Variants in IL1RAPL2 observed in about 807,000 individuals in gnomAD.
The protein encoded by IL1RAPL2 is X-linked interleukin-1 receptor accessory protein-like 2.
A neutral mutation model predicts 44.1 loss-of-function variants in IL1RAPL2; 3 were observed. That is an observed-to-expected ratio of 0.07 (90% CI 0.03 to 0.18). The LOEUF is 0.18. Among genes scored for constraint, IL1RAPL2 ranks in the 10% least tolerant of loss-of-function variants. The pLI is 1.00. For missense variants in IL1RAPL2, 391 were observed against 496.4 expected (o/e 0.79, Z 2.02); for synonymous variants, 181 against 178.8 (o/e 1.01, Z -0.10).
intron 5 of IL1RAPL2, among the ~76,000 whole-genome samples, chrX:105,466,450 G>A (rs912053252): frequency 9.0e-6 from 1 of 111,191 alleles, no homozygotes; most frequent in Non-Finnish European, 1.9e-5. Flanking sequence ...TGCTCTGATT[G>A]GTTATAGAAT....
intron 2 of IL1RAPL2, among the ~76,000 whole-genome samples, chrX:104,998,931 G>T (rs754657079): frequency 9.0e-6 from 1 of 111,684 alleles, no homozygotes; most frequent in African/African-American, 3.2e-5. Flanking sequence ...CTCCCAAGTA[G>T]CTGGGACTAT....
intron 2 of IL1RAPL2, among the ~76,000 whole-genome samples, chrX:104,755,144 A>G (rs775021509): frequency 1.8e-5 from 2 of 111,662 alleles, no homozygotes; most frequent in African/African-American, 6.5e-5. Flanking sequence ...ATGATCAACA[A>G]TATCATACTC....
chrX:105,462,058 G>A (rs1051142361), intron 5 of IL1RAPL2, among the ~76,000 whole-genome samples: 23 of 110,839 alleles, frequency 2.1e-4, no homozygotes, highest in African/African-American at 7.2e-4. Context: ...CTTCCTCCCT[G>A]CTATCCCCTG....
chrX:104,895,291 A>T (rs1415125334), intron 2 of IL1RAPL2, among the ~76,000 whole-genome samples: 1 of 112,092 alleles, frequency 8.9e-6, no homozygotes, highest in African/African-American at 3.2e-5. Flanking sequence ...GTGCTGGGAG[A>T]ACCACTACTC....
intron 5 of IL1RAPL2, among the ~76,000 whole-genome samples, chrX:105,386,093 C>A (rs1365218644): frequency 9.0e-6 from 1 of 111,360 alleles, no homozygotes; most frequent in Non-Finnish European, 1.9e-5. Flanking sequence ...ACAAATTATG[C>A]CTTCAAAGGA....
intron 2 of IL1RAPL2, among the ~76,000 whole-genome samples, chrX:104,901,401 CG>C (rs1409408442): frequency 3.7e-5 from 4 of 107,434 alleles, no homozygotes; most frequent in Admixed American, 3.0e-4. Context: ...TTAGTAGAGA[CG>C]GGGTTTCACC....
At chrX:104,912,035 T>C (rs1924255042) in intron 2 of IL1RAPL2, among the ~76,000 whole-genome samples, 1 of 111,897 alleles carries the variant, frequency 8.9e-6, no homozygotes. Flanking sequence ...TTAACCTTCT[T>C]ATTTTGCTTC....
At chrX:105,588,562 GC>G in intron 6 of IL1RAPL2, among the ~76,000 whole-genome samples, 1 of 75,264 alleles carries the variant, frequency 1.3e-5, no homozygotes, top group South Asian at 5.5e-4. Flanking sequence ...CCTAAAAAAT[GC>G]CCAGTTTCTA....
At chrX:105,219,923 AG>A in intron 3 of IL1RAPL2, 3 of 1,148,842 alleles carry the variant, frequency 2.6e-6, no homozygotes, top group Non-Finnish European at 3.5e-6. Flanking sequence ...GGCAGGGACC[AG>A]TTGAGGGATC....
At chrX:104,807,529 T>C (rs893624626) in intron 2 of IL1RAPL2, among the ~76,000 whole-genome samples, 1 of 111,732 alleles carries the variant, frequency 8.9e-6, no homozygotes, top group Non-Finnish European at 1.9e-5. Flanking sequence ...TATACAATAA[T>C]GCAAACTTGT....
chrX:105,078,039 C>T (rs145941221), intron 2 of IL1RAPL2, among the ~76,000 whole-genome samples: 7,059 of 111,279 alleles, frequency 0.063, 603 homozygotes, highest in African/African-American at 0.22. Flanking sequence ...TCTCTCAACT[C>T]GTCATTCTCC....
rs770926871 is a variant in IL1RAPL2 at position 105,672,379 on chromosome X, G to A, written c.773-44988G>A. The stretch of plus-strand genomic sequence containing the variant: ...GTTCCCCACTCAGCTTCCACTGACA[G>A]CCAAAGTGAGAGTCTCCTAACTACT... On this transcript the variant is annotated intron_variant, in intron 6 of 10. Transcript: ENST00000372582. Among the ~76,000 whole-genome samples, 11 of 112,505 alleles carry A rather than the reference G, an allele frequency of 9.8e-5. No homozygotes were observed. The East Asian group carries it at 3.1e-3, about 32-fold the overall frequency.
chrX:105,159,984 C>CCG (rs2033306666), intron 2 of IL1RAPL2, among the ~76,000 whole-genome samples: 1 of 68,280 alleles, frequency 1.5e-5, no homozygotes, highest in African/African-American at 7.1e-5. Context: ...CTTAAAGAAC[C>CCG]CCCCCCCCCA....
At chrX:105,049,161 GT>G (rs59979651) in intron 2 of IL1RAPL2, among the ~76,000 whole-genome samples, 6,822 of 99,220 alleles carry the variant, frequency 0.069, 641 homozygotes, top group African/African-American at 0.23. Context: ...ACTACTTATG[GT>G]TTTTTTTTTT....
At chrX:104,959,730 T>G (rs1318847503) in intron 2 of IL1RAPL2, among the ~76,000 whole-genome samples, 1 of 111,019 alleles carries the variant, frequency 9.0e-6, no homozygotes, top group African/African-American at 3.3e-5. Flanking sequence ...CCCTCTACCT[T>G]AAGATTTCAT....
chrX:104,638,791 C>T (rs1012215898), intron 1 of IL1RAPL2, among the ~76,000 whole-genome samples: 5 of 112,178 alleles, frequency 4.5e-5, no homozygotes, highest in Non-Finnish European at 7.5e-5. Context: ...ATGGTCTATT[C>T]TGGAGAATGT....
chrX:104,752,829 CAG>C (rs1035386112), intron 2 of IL1RAPL2, among the ~76,000 whole-genome samples: 7 of 110,492 alleles, frequency 6.3e-5, no homozygotes, highest in African/African-American at 1.3e-4. Context: ...CATTGTGAAA[CAG>C]GGGATCTTTT....
In IL1RAPL2 at chrX:105,109,039, CTCTCCCTTTCTT is replaced by C. The variant is rs778822680; in HGVS notation, c.83-86435_83-86424del. 8.0e-5 allele frequency among the ~76,000 whole-genome samples: 9 copies of C among 111,958 alleles called. No homozygotes were observed. In the South Asian group the frequency reaches 2.2e-3, roughly 28 times the overall value. On this transcript the variant is annotated intron_variant, in intron 2 of 10. Transcript: ENST00000372582. ...CTCAGTGCTTCAGCATTCTCTTTCT[CTCTCCCTTTCTT>C]ACATTTCAGATTTCAGTTCAAATAT...
At chrX:104,717,117 G>T (rs776662977) in intron 2 of IL1RAPL2, among the ~76,000 whole-genome samples, 1 of 111,602 alleles carries the variant, frequency 9.0e-6, no homozygotes, top group East Asian at 2.8e-4. Flanking sequence ...TCCTTTGCAG[G>T]GGCATGGATG....
Sources: allele counts gnomAD v4.1 joint callset (sites outside exome capture counted in the v4.1 genomes callset), GRCh38; gene constraint gnomAD v4.1.1; transcripts MANE v1.5; gene names NCBI Gene and HGNC (gene_info 2026-07-23, HGNC 2026-07-21).